Variants in LOXHD1 observed in about 807,000 individuals in gnomAD.
LOXHD1 encodes the protein lipoxygenase homology PLAT domains 1, also known as lipoxygenase homology domain-containing protein 1.
Under a neutral mutation model 248.2 loss-of-function variants are expected in LOXHD1, and 205 were observed. That is an observed-to-expected ratio of 0.83 (90% CI 0.74 to 0.93). LOXHD1 has a LOEUF of 0.93. LOXHD1 is among the 40% of genes least tolerant of loss of function. The pLI, the probability that LOXHD1 is intolerant of heterozygous loss-of-function variation, is 0.00. For missense variants in LOXHD1, 2,930 were observed against 2,971.6 expected (o/e 0.99, Z 0.33); for synonymous variants, 1,113 against 1,162.8 (o/e 0.96, Z 0.87).
Position 46,522,238 on chromosome 18 carries a change from A to C in LOXHD1, c.4948T>G (p.Phe1650Val). 1 of 1,551,916 alleles carries C rather than the reference A, an allele frequency of 6.4e-7. No individual in the cohort carries two copies. Among genetic ancestry groups the C allele is most frequent in the African/African-American group, 1.4e-5 (1 of 73,180 alleles). The change falls in exon 32 of 41, where the codon TTT (phenylalanine) becomes GTT (valine). Residue 1650 changes from phenylalanine (F) to valine (V), a missense_variant. Phe to Val is a conservative substitution (Grantham distance 50). Transcript: ENST00000642948. The part of the protein sequence containing the change: ...DAATDSRAFI[F>V]LIGEDDERSK... ...CGTTCATCATCCTCCCCGATGAGAA[A>C]GATGAAGGCTCGGCTGTCAGTGGCC...
intron 27 of LOXHD1, chr18:46,533,734 G>C: frequency 3.0e-6 from 1 of 332,932 alleles, no homozygotes; most frequent in Non-Finnish European, 6.0e-6. Context: ...GACCAGCTTG[G>C]CCAACATGGT....
intron 37 of LOXHD1, among the ~76,000 whole-genome samples, chr18:46,497,700 A>G (rs2033959864): frequency 6.6e-6 from 1 of 152,226 alleles, no homozygotes; most frequent in Admixed American, 6.5e-5. Context: ...GCAATGTGAT[A>G]GGCATTAGGG....
At chr18:46,628,971 G>A (rs1025130798) in intron 4 of LOXHD1, among the ~76,000 whole-genome samples, 1 of 152,186 alleles carries the variant, frequency 6.6e-6, no homozygotes, top group East Asian at 1.9e-4. Flanking sequence ...CGAGTCCATG[G>A]TGGGGGACTA....
chr18:46,574,418 CA>C (rs1350097585), intron 14 of LOXHD1, among the ~76,000 whole-genome samples: 14 of 150,966 alleles, frequency 9.3e-5, no homozygotes, highest in African/African-American at 3.4e-4. Flanking sequence ...CACACACACA[CA>C]CCTGATCCTA....
At chr18:46,514,835 A>G (rs946563858) in intron 34 of LOXHD1, among the ~76,000 whole-genome samples, 3 of 152,228 alleles carry the variant, frequency 2.0e-5, no homozygotes, top group Non-Finnish European at 2.9e-5. Flanking sequence ...GACCCCTCAT[A>G]GGCATTTACT....
chr18:46,584,757 A>C (rs1219781189), intron 12 of LOXHD1, among the ~76,000 whole-genome samples: 1 of 152,096 alleles, frequency 6.6e-6, no homozygotes, highest in East Asian at 1.9e-4. Context: ...ACTGACAAAG[A>C]CGTCATAAGA....
At chr18:46,612,344 A>G (rs1265477191) in intron 5 of LOXHD1, among the ~76,000 whole-genome samples, 1 of 152,178 alleles carries the variant, frequency 6.6e-6, no homozygotes, top group Non-Finnish European at 1.5e-5. Flanking sequence ...ATTAATTACC[A>G]CCAGTAGTAT....
intron 21 of LOXHD1, among the ~76,000 whole-genome samples, chr18:46,550,734 C>T (rs938214150): frequency 6.6e-6 from 1 of 152,192 alleles, no homozygotes; most frequent in Non-Finnish European, 1.5e-5. Flanking sequence ...TACCCTACAT[C>T]AGACATATAA....
intron 21 of LOXHD1, among the ~76,000 whole-genome samples, chr18:46,555,704 TCTCTC>T (rs1266562613): frequency 6.6e-6 from 1 of 152,102 alleles, no homozygotes; most frequent in African/African-American, 2.4e-5. Flanking sequence ...CAAGGGGACT[TCTCTC>T]CTTTCTCTTG....
Position 46,528,418 on chromosome 18 carries a change from A to G in LOXHD1, c.4530+759T>C, listed in dbSNP as rs371088366. The stretch of plus-strand genomic sequence containing the variant: ...AGCTTGCGAGAAAGGAAGTTTAATA[A>G]AGCCCACCCTTAGAGACTCCTGTGT... On this transcript the variant is annotated intron_variant, in intron 29 of 40. Transcript: ENST00000642948. 3.3e-5 allele frequency among the ~76,000 whole-genome samples: 5 copies of G among 152,116 alleles called. No individual in the cohort carries two copies. In the East Asian group the frequency reaches 5.8e-4, roughly 18 times the overall value.
chr18:46,595,561 T>A (rs890686590), intron 8 of LOXHD1, among the ~76,000 whole-genome samples: 4 of 152,226 alleles, frequency 2.6e-5, no homozygotes, highest in African/African-American at 4.8e-5. Context: ...GGAATATAAG[T>A]ATTCCTGACA....
At chr18:46,581,866 G>T (rs2037969983) in intron 12 of LOXHD1, among the ~76,000 whole-genome samples, 1 of 152,186 alleles carries the variant, frequency 6.6e-6, no homozygotes, top group Non-Finnish European at 1.5e-5. Context: ...CTTCTCATCA[G>T]AAACTATAGA....
rs1348694100 is a variant in LOXHD1, at chr18:46,559,588, C to A, written c.3076G>T (p.Val1026Phe). ...KPGPERNTYE[V>F]QVVTGNVPKA... ...GGCACATTCCCCGTGACCACCTGAA[C>A]CTCATAGGTGTTTCCTGTAGACACA... The change falls in exon 20 of 41, where the codon GTT (valine) becomes TTT (phenylalanine). Residue 1026 changes from valine to phenylalanine, a missense_variant. By Grantham distance (50) the Val-to-Phe change is conservative. Transcript: ENST00000642948. 1 of 1,551,712 alleles carries A rather than the reference C, an allele frequency of 6.4e-7. No individual in the cohort carries two copies. The highest frequency in any genetic ancestry group is 1.4e-5 in the African/African-American group (1 of 73,054).
chr18:46,558,999 A>G (rs2037446589), intron 20 of LOXHD1: 3 of 541,386 alleles, frequency 5.5e-6, no homozygotes, highest in Non-Finnish European at 6.3e-6. Flanking sequence ...TTCCACCTCC[A>G]TATCTTTGCT....
rs1238383222 is a variant in LOXHD1, at chr18:46,483,607, G to C, written c.6321C>G (p.Thr2107=). ...CATACACATTGCCGTACTCCATCTCGGTGATGGTGATGGTCTTGACATGCC... is the reference window on the plus strand; with the variant it reads ...CATACACATTGCCGTACTCCATCTCCGTGATGGTGATGGTCTTGACATGCC... ...LAWHVKTITI[T]EMEYGNVYFF... Residue 2107 remains threonine (T), a synonymous_variant, in exon 40 of 41, where the codon ACC becomes ACG. Coordinates refer to ENST00000642948, the MANE Select transcript of LOXHD1 (RefSeq NM_001384474.1). 1 of 1,551,654 alleles carries C rather than the reference G, an allele frequency of 6.4e-7. No homozygotes were observed. Among genetic ancestry groups the C allele is most frequent in the South Asian group, 1.2e-5 (1 of 84,038 alleles).
intron 21 of LOXHD1, among the ~76,000 whole-genome samples, chr18:46,550,692 C>T (rs549411272): frequency 3.3e-5 from 5 of 152,178 alleles, no homozygotes; most frequent in African/African-American, 9.6e-5. Context: ...AACCAGGGTC[C>T]CTGAGTGAAC....
At chr18:46,504,501 G>A (rs980300891) in intron 37 of LOXHD1, among the ~76,000 whole-genome samples, 6 of 152,218 alleles carry the variant, frequency 3.9e-5, no homozygotes, top group African/African-American at 1.2e-4. Context: ...GTATACAAAT[G>A]ACTGGTGGGA....
At chr18:46,568,804 C>G (rs759764631) in intron 16 of LOXHD1, among the ~76,000 whole-genome samples, 1 of 152,190 alleles carries the variant, frequency 6.6e-6, no homozygotes, top group African/African-American at 2.4e-5. Flanking sequence ...TCACACTGGC[C>G]TCTTTTCCTG....
rs373811926 is a variant in LOXHD1 at position 46,553,047 on chromosome 18, G to A, written c.3350+4309C>T. ...GTCCCCACCCATGACTCCCTCCTCT[G>A]AGGTCAACCCTGAGACAACCACCAC... is the stretch of plus-strand genomic sequence containing the variant. On this transcript the variant is annotated intron_variant, in intron 21 of 40. Transcript: ENST00000642948. Among the ~76,000 whole-genome samples, 9 of 152,136 alleles carry A rather than the reference G, an allele frequency of 5.9e-5. No individual in the cohort carries two copies. In the East Asian group the frequency reaches 1.2e-3, roughly 19 times the overall value.
Sources: gnomAD v4.1 joint callset for allele counts (sites outside exome capture counted in the v4.1 genomes callset) on GRCh38, gnomAD v4.1.1 for gene constraint, MANE v1.5 for transcripts, NCBI Gene and HGNC (gene_info 2026-07-23, HGNC 2026-07-21) for gene names.